PCDH15: variants seen among roughly 807,000 people sequenced by gnomAD.
The protein encoded by PCDH15 is protocadherin related 15.
Under a neutral mutation model 178.5 loss-of-function variants are expected in PCDH15, and 129 were observed. The observed-to-expected ratio is 0.72, with a 90% CI of 0.63 to 0.84. The LOEUF (loss-of-function observed/expected upper bound fraction) is 0.84. Among genes scored for constraint, PCDH15 ranks in the 40% least tolerant of loss-of-function variants. The pLI is 0.00. For missense variants in PCDH15, 2,230 were observed against 2,099.9 expected (o/e 1.06, Z -1.21); for synonymous variants, 800 against 732.0 (o/e 1.09, Z -1.50).
intron 5 of PCDH15, among the ~76,000 whole-genome samples, chr10:54,366,716 T>C (rs78238001): frequency 6.8e-6 from 1 of 146,212 alleles, no homozygotes; most frequent in South Asian, 2.2e-4. Context: ...AAATGCACTG[T>C]TTTTTTTTTC....
At chr10:55,518,963 G>A (rs2184371) in intron 2 of PCDH15, among the ~76,000 whole-genome samples, 49,320 of 151,254 alleles carry the variant, frequency 0.33, 8,509 homozygotes, top group East Asian at 0.51. Context: ...GCATGGTGTC[G>A]TGCGCCTGTA....
intron 1 of PCDH15, among the ~76,000 whole-genome samples, chr10:54,737,412 G>A (rs1035602026): frequency 6.6e-6 from 1 of 152,068 alleles, no homozygotes; most frequent in Non-Finnish European, 1.5e-5. Flanking sequence ...AGATTTCTAA[G>A]AATGTATAAT....
chr10:53,884,700 C>T (rs558698127), intron 26 of PCDH15, among the ~76,000 whole-genome samples: 42 of 152,142 alleles, frequency 2.8e-4, no homozygotes, highest in African/African-American at 7.2e-4. Context: ...CTCTACACCT[C>T]TTTTTCAGGA....
intron 2 of PCDH15, among the ~76,000 whole-genome samples, chr10:54,622,744 T>G (rs1238426875): frequency 8.8e-6 from 1 of 113,974 alleles, no homozygotes; most frequent in Non-Finnish European, 1.7e-5. Flanking sequence ...TATATATATA[T>G]TATATATAAT....
chr10:54,627,820 C>A (rs370606323), intron 2 of PCDH15, among the ~76,000 whole-genome samples: 11 of 152,154 alleles, frequency 7.2e-5, no homozygotes, highest in African/African-American at 2.7e-4. Context: ...TGCACAAAAT[C>A]ATTTATGCTG....
intron 3 of PCDH15, among the ~76,000 whole-genome samples, chr10:54,848,102 AGTGCATT>A (rs1953545221): frequency 6.6e-6 from 1 of 152,134 alleles, no homozygotes; most frequent in African/African-American, 2.4e-5. Context: ...AAATTAGTCC[AGTGCATT>A]GGCTCATGCC....
chr10:55,417,256 A>G (rs1838505835), intron 2 of PCDH15, among the ~76,000 whole-genome samples: 1 of 151,734 alleles, frequency 6.6e-6, no homozygotes, highest in South Asian at 2.1e-4. Flanking sequence ...GGCCCCCAAA[A>G]TAAAAATTCA....
intron 15 of PCDH15, 64 bp from the exon 16 acceptor site, chr10:54,090,127 A>T (rs562596258): frequency 1.1e-5 from 14 of 1,266,718 alleles, no homozygotes; most frequent in Non-Finnish European, 1.6e-5. Flanking sequence ...ATTACAGAGT[A>T]ATATAAAAGC....
chr10:55,045,063 T>C (rs551330864), intron 2 of PCDH15, among the ~76,000 whole-genome samples: 1 of 152,256 alleles, frequency 6.6e-6, no homozygotes, highest in South Asian at 2.1e-4. Context: ...ACAAAATCTC[T>C]TCTGGCATTT....
chr10:54,965,483 C>T (rs898533032), intron 2 of PCDH15, among the ~76,000 whole-genome samples: 2 of 151,900 alleles, frequency 1.3e-5, no homozygotes, highest in Non-Finnish European at 2.9e-5. Flanking sequence ...ATTGTGAGGC[C>T]TCTACAGCCA....
chr10:54,998,398 A>T (rs375408823), intron 2 of PCDH15, among the ~76,000 whole-genome samples: 4 of 152,092 alleles, frequency 2.6e-5, no homozygotes, highest in South Asian at 2.1e-4. Flanking sequence ...ATAATAATAA[A>T]AAAAAGAAAA....
chr10:53,857,568 C>CA (rs950806537), intron 27 of PCDH15, among the ~76,000 whole-genome samples: 4 of 129,626 alleles, frequency 3.1e-5, no homozygotes, highest in Admixed American at 7.7e-5. Context: ...TGAAGGGTGG[C>CA]ATTTTTTTTT....
chr10:55,119,057 G>T (rs1167977208), intron 2 of PCDH15, among the ~76,000 whole-genome samples: 3 of 152,230 alleles, frequency 2.0e-5, no homozygotes, highest in South Asian at 4.1e-4. Context: ...CACGTCTCCT[G>T]GTTTACCATC....
chr10:55,362,867 T>C (rs1197312539), intron 2 of PCDH15, among the ~76,000 whole-genome samples: 1 of 152,140 alleles, frequency 6.6e-6, no homozygotes, highest in African/African-American at 2.4e-5. Flanking sequence ...AGATCACAGG[T>C]GTGTCCAATC....
chr10:54,676,997 A>G (rs2094801649), intron 1 of PCDH15, among the ~76,000 whole-genome samples: 1 of 152,192 alleles, frequency 6.6e-6, no homozygotes, highest in Non-Finnish European at 1.5e-5. Context: ...TAATAATGAT[A>G]AAGGTATAGT....
At chr10:54,709,526 G>C (rs939576606) in intron 1 of PCDH15, among the ~76,000 whole-genome samples, 1 of 146,336 alleles carries the variant, frequency 6.8e-6, no homozygotes, top group Non-Finnish European at 1.5e-5. Flanking sequence ...AATGACAGGG[G>C]GTCTTTAGTA....
At chr10:54,528,344 A>G in intron 2 of PCDH15, 2 of 1,518,666 alleles carry the variant, frequency 1.3e-6, no homozygotes, top group Non-Finnish European at 1.8e-6. Context: ...ACAGACAAGC[A>G]ATGCTCATGA....
chr10:54,255,431 A>G (rs2132168801), intron 8 of PCDH15, among the ~76,000 whole-genome samples: 1 of 152,304 alleles, frequency 6.6e-6, no homozygotes, highest in South Asian at 2.1e-4. Context: ...GTTGAAAACC[A>G]AGATTATGCT....
chr10:55,383,715 C>T (rs1460879549), intron 2 of PCDH15, among the ~76,000 whole-genome samples: 1 of 152,120 alleles, frequency 6.6e-6, no homozygotes, highest in Non-Finnish European at 1.5e-5. Context: ...ATATGTATCT[C>T]TTGTTGCCTT....
Sources: gnomAD v4.1 joint callset for allele counts (sites outside exome capture counted in the v4.1 genomes callset) on GRCh38, gnomAD v4.1.1 for gene constraint, MANE v1.5 for transcripts, NCBI Gene and HGNC (gene_info 2026-07-23, HGNC 2026-07-21) for gene names.